The following HDAC4 variants were observed in gnomAD, a reference collection of about 807,000 sequenced individuals.
HDAC4 encodes histone deacetylase A.
A neutral mutation model predicts 135.1 loss-of-function variants in HDAC4; 16 were observed. The observed-to-expected ratio is 0.12, with a 90% CI of 0.08 to 0.18. The LOEUF (loss-of-function observed/expected upper bound fraction) is 0.18. Ranked by LOEUF, HDAC4 falls within the 10% of genes least tolerant of loss-of-function variation. The pLI, the probability that HDAC4 is intolerant of heterozygous loss-of-function variation, is 1.00. For synonymous variants in HDAC4, 685 were observed against 653.4 expected, an observed-to-expected ratio of 1.05 and a Z score of -0.74; for missense variants, 1,143 against 1,511.8, an observed-to-expected ratio of 0.76 and a Z score of 4.05.
Position 239,126,422 on chromosome 2 carries a change from C to G in HDAC4, c.1533+34G>C, listed in dbSNP as rs201433545. 48 of 1,612,730 alleles carry G rather than the reference C, an allele frequency of 3.0e-5. No individual in the cohort carries two copies. In the Admixed American group the frequency reaches 6.2e-4, roughly 21 times the overall value. On this transcript the variant is annotated intron_variant, in intron 12 of 26. Coordinates refer to ENST00000543185, the MANE Select transcript of HDAC4 (RefSeq NM_001378414.1). The stretch of plus-strand genomic sequence containing the variant: ...CTGAAGCGCACAGCACACAGCCGCC[C>G]TGGGGCCTGGGAGCGCTGAGCCGGC...
intron 8 of HDAC4, among the ~76,000 whole-genome samples, chr2:239,143,124 C>T (rs913080863): frequency 6.6e-6 from 1 of 152,208 alleles, no homozygotes; most frequent in Non-Finnish European, 1.5e-5. Context: ...GGGAAGGACT[C>T]TGTCTCACTA....
chr2:239,293,328 T>A (rs978725025), intron 2 of HDAC4, among the ~76,000 whole-genome samples: 1 of 151,940 alleles, frequency 6.6e-6, no homozygotes, highest in African/African-American at 2.4e-5. Context: ...CCCAAAGGGG[T>A]TTGACCAGGG....
At chr2:239,152,426 C>T (rs2042170660) in intron 7 of HDAC4, among the ~76,000 whole-genome samples, 1 of 152,236 alleles carries the variant, frequency 6.6e-6, no homozygotes, top group African/African-American at 2.4e-5. Context: ...AGGCACCTCA[C>T]CCTGGGCCGA....
chr2:239,213,350 T>C (rs1465643032), intron 3 of HDAC4, among the ~76,000 whole-genome samples: 1 of 152,224 alleles, frequency 6.6e-6, no homozygotes, highest in Non-Finnish European at 1.5e-5. Context: ...GAGGTTTCTT[T>C]AAACCCAACA....
intron 12 of HDAC4, among the ~76,000 whole-genome samples, chr2:239,121,049 G>A (rs1193555680): frequency 1.3e-5 from 2 of 150,674 alleles, no homozygotes; most frequent in Admixed American, 6.6e-5. Context: ...CCAGGCTGGA[G>A]TGCAGTCATG....
chr2:239,382,514 T>G (rs914431450), intron 1 of HDAC4, among the ~76,000 whole-genome samples: 1 of 152,198 alleles, frequency 6.6e-6, no homozygotes, highest in Non-Finnish European at 1.5e-5. Flanking sequence ...ATGTAATGGG[T>G]AGGACCACCC....
At position 239,245,133 on chromosome 2, in the gene HDAC4, A is replaced by G. The variant is rs1406189743; in HGVS notation, c.23-8469T>C. ...TGGAAAAAGATTCTTTCCCTAAGCA[A>G]TATTTTTCCTTCAGGGTAATCAGGC... On this transcript the variant is annotated intron_variant, in intron 2 of 26. Transcript: ENST00000543185. This position sits in a 1 kb window ranked among gnomAD's most constrained non-coding sequence, Gnocchi z 4.4. Among the ~76,000 whole-genome samples the G allele has an allele frequency of 6.6e-6, 1 of 152,264 alleles. No individual in the cohort carries two copies. Among genetic ancestry groups the G allele is most frequent in the Non-Finnish European group, 1.5e-5 (1 of 68,046 alleles).
intron 1 of HDAC4, among the ~76,000 whole-genome samples, chr2:239,356,206 T>C (rs937552487): frequency 3.3e-5 from 5 of 152,056 alleles, no homozygotes; most frequent in African/African-American, 7.2e-5. Context: ...CCAGTAAACA[T>C]AGAAATTTAC....
At chr2:239,370,335 C>T (rs1197363399) in intron 1 of HDAC4, among the ~76,000 whole-genome samples, 1 of 152,212 alleles carries the variant, frequency 6.6e-6, no homozygotes, top group Non-Finnish European at 1.5e-5. Context: ...TGGCTCGGGG[C>T]TCTCCTGTTA....
chr2:239,094,653 A>G (rs2036833059), intron 17 of HDAC4: 15 of 1,175,390 alleles, frequency 1.3e-5, no homozygotes, highest in African/African-American at 1.6e-5. Flanking sequence ...AGAATACAGA[A>G]GCACGCATCC....
chr2:239,258,189 G>A (rs1229725039), intron 2 of HDAC4, among the ~76,000 whole-genome samples: 5 of 152,194 alleles, frequency 3.3e-5, no homozygotes, highest in Admixed American at 6.5e-5. Context: ...GAGTGAATTT[G>A]TGAGTAGGAA....
chr2:239,069,603 A>AGAGCATT, intron 22 of HDAC4, among the ~76,000 whole-genome samples: 1 of 73,540 alleles, frequency 1.4e-5, no homozygotes, highest in African/African-American at 4.5e-5. Flanking sequence ...GGTGAGAGTG[A>AGAGCATT]GTCACAGTGC....
At chr2:239,213,309 G>A (rs2046443345) in intron 3 of HDAC4, among the ~76,000 whole-genome samples, 1 of 152,172 alleles carries the variant, frequency 6.6e-6, no homozygotes, top group African/African-American at 2.4e-5. Flanking sequence ...CGTGGCGGAT[G>A]CTGAAAAAGA....
Position 239,400,766 on chromosome 2 carries a change from C to A in HDAC4, c.-220+212G>T, listed in dbSNP as rs977988586. 6.9e-6 allele frequency: 1 copy of A among 145,746 alleles called. No individual in the cohort carries two copies. The highest frequency in any genetic ancestry group is 6.8e-5 in the Admixed American group (1 of 14,694). The allele number at this position is 145,746 out of a possible 1,614,324, so 9.0% of individuals were successfully genotyped here. A position where few individuals can be genotyped will look rare whatever the true frequency, so the allele number is the denominator to read the frequency against. ...CGCATCTCCTCAGCCTGCGCCGCCA[C>A]CCGCCGGCGCGCGGGCTCGGGCTCG... On this transcript the variant is annotated intron_variant, in intron 1 of 26. Transcript: ENST00000543185. The surrounding 1 kb of genome is among the most constrained non-coding windows in gnomAD (Gnocchi z 4.7).
chr2:239,145,272 G>C (rs894069551), intron 7 of HDAC4, among the ~76,000 whole-genome samples: 3 of 152,074 alleles, frequency 2.0e-5, no homozygotes, highest in Non-Finnish European at 4.4e-5. Context: ...CCTCCAGAGC[G>C]TGAGGCTGCT....
chr2:239,068,541 A>G lies in HDAC4; in HGVS notation c.2817T>C (p.Asp939=), dbSNP rs745686188. 6.2e-7 allele frequency: 1 copy of G among 1,614,066 alleles called. No individual in the cohort carries two copies. Among genetic ancestry groups the G allele is most frequent in the East Asian group, 2.2e-5 (1 of 44,866 alleles). Reference sequence around the variant, plus strand: ...GAGGGGTGGGGTGGCCCTCCACGGCATCGAAGCCTGATGACACCAGCACCA... The same window carrying G: ...GAGGGGTGGGGTGGCCCTCCACGGCGTCGAAGCCTGATGACACCAGCACCA... ...PDVVLVSSGF[D]AVEGHPTPLG... The change falls in exon 23 of 27, where the codon GAT becomes GAC. Residue 939 remains aspartate, a synonymous_variant. Coordinates refer to ENST00000543185, the MANE Select transcript of HDAC4 (RefSeq NM_001378414.1). The surrounding 1 kb of genome is among the most constrained non-coding windows in gnomAD (Gnocchi z 4.4).
At chr2:239,382,713 C>G (rs1451261407) in intron 1 of HDAC4, among the ~76,000 whole-genome samples, 1 of 148,928 alleles carries the variant, frequency 6.7e-6, no homozygotes, top group African/African-American at 2.5e-5. Flanking sequence ...TCTTTAACAG[C>G]TTACACTTTC....
chr2:239,355,144 T>C (rs1693411252), intron 1 of HDAC4, among the ~76,000 whole-genome samples: 1 of 152,246 alleles, frequency 6.6e-6, no homozygotes, highest in Admixed American at 6.5e-5. Flanking sequence ...GATACATAAG[T>C]AAGAGTCTTT....
chr2:239,088,354 T>C (rs1295160903), intron 18 of HDAC4, among the ~76,000 whole-genome samples: 1 of 152,108 alleles, frequency 6.6e-6, no homozygotes, highest in African/African-American at 2.4e-5. Flanking sequence ...ATGGACGGGG[T>C]GAGCCGGACG....
Sources: allele counts gnomAD v4.1 joint callset (sites outside exome capture counted in the v4.1 genomes callset), GRCh38; gene constraint gnomAD v4.1.1; non-coding constraint Gnocchi (gnomAD v3.1); transcripts MANE v1.5; gene names NCBI Gene and HGNC (gene_info 2026-07-23, HGNC 2026-07-21).